Variants in TG observed in about 807,000 individuals in gnomAD.
The protein encoded by TG is thyroid hormones.
In TG, 270 loss-of-function variants were observed where a neutral mutation model predicts 324.7. The ratio of observed to expected loss-of-function variants is 0.83; its 90% CI spans 0.75 to 0.92. The LOEUF (loss-of-function observed/expected upper bound fraction) is 0.92, where lower values mean the gene tolerates loss of function less well. TG is among the 40% of genes least tolerant of loss of function. The pLI, the probability that TG is intolerant of heterozygous loss-of-function variation, is 0.00. For synonymous variants in TG, 1,401 were observed against 1,327.0 expected, an observed-to-expected ratio of 1.06 and a Z score of -1.21; for missense variants, 3,591 against 3,456.4, an observed-to-expected ratio of 1.04 and a Z score of -0.98.
intron 43 of TG, among the ~76,000 whole-genome samples, chr8:133,105,385 G>A (rs772577931): frequency 3.9e-5 from 6 of 152,112 alleles, no homozygotes; most frequent in African/African-American, 9.7e-5. Context: ...GATGAAGATC[G>A]TAGGCACAGG....
intron 35 of TG, among the ~76,000 whole-genome samples, chr8:133,010,758 C>T (rs1477314051): frequency 2.0e-5 from 3 of 152,156 alleles, no homozygotes; most frequent in Non-Finnish European, 4.4e-5. Flanking sequence ...GCCCTTGCAC[C>T]AGATGGGACG....
intron 43 of TG, among the ~76,000 whole-genome samples, chr8:133,100,556 T>C (rs530953351): frequency 1.4e-3 from 207 of 152,320 alleles, no homozygotes; most frequent in African/African-American, 4.8e-3. Context: ...AATGAAATAA[T>C]TCACCCTCAC....
intron 41 of TG, chr8:133,039,952 T>A (rs781552064): frequency 9.3e-7 from 1 of 1,076,578 alleles, no homozygotes; most frequent in African/African-American, 2.2e-5. Context: ...AGCACTTGCA[T>A]GCACACACAC....
At chr8:132,876,793 C>CT (rs1446968871) in intron 5 of TG, among the ~76,000 whole-genome samples, 1 of 152,192 alleles carries the variant, frequency 6.6e-6, no homozygotes, top group Non-Finnish European at 1.5e-5. Flanking sequence ...AAGTAAAGGT[C>CT]TTAAGAGCCT....
At position 133,133,624 on chromosome 8, in the gene TG, T is replaced by C; in HGVS notation, c.8152T>C (p.Trp2718Arg). 1 of 1,614,200 alleles carries C rather than the reference T, an allele frequency of 6.2e-7. No individual in the cohort carries two copies. The highest frequency in any genetic ancestry group is 8.5e-7 in the Non-Finnish European group (1 of 1,180,020). ...QGLKKADCSF[W>R]SKYISSLKTS... Reference sequence around the variant, plus strand: ...CCTGAAGAAAGCCGACTGCTCCTTCTGGTCCAAGTACATCTCGTCTCTGAA... The same window carrying C: ...CCTGAAGAAAGCCGACTGCTCCTTCCGGTCCAAGTACATCTCGTCTCTGAA... The change falls in exon 47 of 48, where the codon TGG becomes CGG. Residue 2718 changes from tryptophan (W) to arginine (R), a missense_variant. By Grantham distance (101) the Trp-to-Arg change is moderately radical. Transcript: ENST00000220616.
chr8:132,928,875 G>T (rs1244791009), intron 22 of TG, among the ~76,000 whole-genome samples: 2 of 152,212 alleles, frequency 1.3e-5, no homozygotes, highest in Non-Finnish European at 2.9e-5. Flanking sequence ...AGCAGGGAGA[G>T]CTGGTAAGTT....
rs371118151 is a variant in TG at position 133,029,732 on chromosome 8, G to A, written c.7037-89G>A. 122 of 1,527,392 alleles carry A rather than the reference G, an allele frequency of 8.0e-5. 1 individual carries two copies. Among genetic ancestry groups the A allele is most frequent in the Admixed American group, 3.1e-4 (18 of 58,982 alleles). 94.6% of individuals were successfully genotyped at this position (1,527,392 alleles called of 1,614,324 possible). A position where few individuals can be genotyped will look rare whatever the true frequency, so the allele number is the denominator to read the frequency against. Reference sequence around the variant, plus strand: ...AGAGCCCAGAGCCCCTGGCGGGGCCGCATATATGCCTGCCATAGACAGCAC... The same window carrying A: ...AGAGCCCAGAGCCCCTGGCGGGGCCACATATATGCCTGCCATAGACAGCAC... On this transcript the variant is annotated intron_variant, in intron 40 of 47. Transcript: ENST00000220616.
At position 133,133,639 on chromosome 8, in the gene TG, T is replaced by A. The variant is rs752408881; in HGVS notation, c.8167T>A (p.Ser2723Thr). Reference protein sequence around the residue: ...ADCSFWSKYISSLKTSADGAK... With the variant: ...ADCSFWSKYITSLKTSADGAK... ...CTGCTCCTTCTGGTCCAAGTACATC[T>A]CGTCTCTGAAGACATCTGCAGGTAG... The change falls in exon 47 of 48, where the codon TCG becomes ACG. Residue 2723 changes from serine to threonine, a missense_variant. Coordinates refer to ENST00000220616, the MANE Select transcript of TG (RefSeq NM_003235.5). 6.2e-7 allele frequency: 1 copy of A among 1,614,094 alleles called. No homozygotes were observed. The highest frequency in any genetic ancestry group is 2.2e-5 in the East Asian group (1 of 44,862).
intron 14 of TG, among the ~76,000 whole-genome samples, chr8:132,899,296 CA>C (rs1817585688): frequency 6.6e-6 from 1 of 152,234 alleles, no homozygotes. Context: ...ACACAGAGGA[CA>C]CCAGCTTCTT....
At chr8:132,977,653 C>T (rs1167799886) in intron 34 of TG, among the ~76,000 whole-genome samples, 2 of 152,108 alleles carry the variant, frequency 1.3e-5, no homozygotes, top group Admixed American at 6.5e-5. Context: ...CAGGGAAACT[C>T]CCATTTTTAA....
intron 18 of TG, among the ~76,000 whole-genome samples, chr8:132,910,809 A>C (rs926255241): frequency 1.3e-5 from 2 of 152,208 alleles, no homozygotes; most frequent in African/African-American, 4.8e-5. Context: ...AAAGGGGCTG[A>C]TATGAAGAGG....
intron 41 of TG, among the ~76,000 whole-genome samples, chr8:133,080,239 G>A (rs1326313122): frequency 2.0e-5 from 3 of 152,178 alleles, no homozygotes; most frequent in Admixed American, 2.0e-4. Flanking sequence ...AGACAGAAAG[G>A]AAAGGGAATG....
Position 132,971,841 on chromosome 8 carries a change from G to A in TG, c.6023G>A (p.Gly2008Asp). The change falls in exon 33 of 48, where the codon GGC becomes GAC. Residue 2008 changes from glycine (G) to aspartate (D), a missense_variant. Transcript: ENST00000220616. ...TGCGATGCGGACCCATGCTGCACTG[G>A]CTTTGGATTTCTAAATGTTTCCCAG... ...RRCDADPCCT[G>D]FGFLNVSQLK... 1 of 1,613,696 alleles carries A rather than the reference G, an allele frequency of 6.2e-7. No homozygotes were observed. The highest frequency in any genetic ancestry group is 1.1e-5 in the South Asian group (1 of 91,068).
intron 34 of TG, among the ~76,000 whole-genome samples, chr8:132,973,357 T>A (rs1829786161): frequency 6.6e-6 from 1 of 152,024 alleles, no homozygotes; most frequent in African/African-American, 2.4e-5. Context: ...GCATATAGAG[T>A]TAGGACTTCA....
Position 133,031,458 on chromosome 8 carries a change from C to T in TG, c.7239+1435C>T, listed in dbSNP as rs181198952. Among the ~76,000 whole-genome samples the T allele has an allele frequency of 1.2e-4, 18 of 152,248 alleles. No homozygotes were observed. In the East Asian group the frequency reaches 2.3e-3, roughly 20 times the overall value. ...AGAAGGCCTTTAAGCAGGAAGGAAACGTGCTTAGAGCTGCCCTTCAGGACA... is the reference window on the plus strand; with the variant it reads ...AGAAGGCCTTTAAGCAGGAAGGAAATGTGCTTAGAGCTGCCCTTCAGGACA... On this transcript the variant is annotated intron_variant, in intron 41 of 47. Coordinates refer to ENST00000220616, the MANE Select transcript of TG (RefSeq NM_003235.5).
At chr8:133,074,836 A>T in intron 41 of TG, 3 of 985,352 alleles carry the variant, frequency 3.0e-6, no homozygotes, top group Non-Finnish European at 3.6e-6. Flanking sequence ...CATCTCTGCC[A>T]CATACTCCCA....
chr8:132,919,354 T>A (rs780863924), intron 20 of TG, 22 bp from the exon 21 acceptor site: 1 of 1,612,256 alleles, frequency 6.2e-7, no homozygotes, highest in African/African-American at 1.3e-5. Context: ...ATTTTTAACA[T>A]CATTTCTCTG....
intron 35 of TG, chr8:133,003,100 G>A (rs1409500241): frequency 1.2e-5 from 12 of 990,168 alleles, no homozygotes; most frequent in African/African-American, 1.7e-5. Flanking sequence ...GGAAGATGGT[G>A]GTTCCAGCTG....
intron 35 of TG, among the ~76,000 whole-genome samples, chr8:133,003,552 C>T (rs575288519): frequency 4.6e-5 from 7 of 151,964 alleles, no homozygotes; most frequent in Non-Finnish European, 1.0e-4. Context: ...ATATCATAAC[C>T]TTGTATTATA....
Sources: gnomAD v4.1 joint callset for allele counts (sites outside exome capture counted in the v4.1 genomes callset) on GRCh38, gnomAD v4.1.1 for gene constraint, MANE v1.5 for transcripts, NCBI Gene and HGNC (gene_info 2026-07-23, HGNC 2026-07-21) for gene names.